LOXHD1: variants seen among roughly 807,000 people sequenced by gnomAD.
LOXHD1 encodes lipoxygenase homology PLAT domains 1, also known as lipoxygenase homology domain-containing protein 1.
A neutral mutation model predicts 248.2 loss-of-function variants in LOXHD1; 205 were observed. The ratio of observed to expected loss-of-function variants is 0.83; its 90% CI spans 0.74 to 0.93. LOXHD1 has a LOEUF of 0.93. Ranked by LOEUF, LOXHD1 falls within the 40% of genes least tolerant of loss-of-function variation. The pLI, the probability that LOXHD1 is intolerant of heterozygous loss-of-function variation, is 0.00. For missense variants in LOXHD1, 2,930 were observed against 2,971.6 expected, an observed-to-expected ratio of 0.99 and a Z score of 0.33; for synonymous variants, 1,113 against 1,162.8, an observed-to-expected ratio of 0.96 and a Z score of 0.87.
intron 8 of LOXHD1, among the ~76,000 whole-genome samples, chr18:46,599,211 T>C (rs894276225): frequency 6.6e-6 from 1 of 152,184 alleles, no homozygotes; most frequent in African/African-American, 2.4e-5. Context: ...AGTAAATCAG[T>C]GCTTCCAAAA....
At chr18:46,580,096 G>T (rs959111929) in intron 12 of LOXHD1, among the ~76,000 whole-genome samples, 1 of 152,170 alleles carries the variant, frequency 6.6e-6, no homozygotes, top group African/African-American at 2.4e-5. Context: ...ACTTTTATAA[G>T]AATTCAGATT....
intron 37 of LOXHD1, among the ~76,000 whole-genome samples, chr18:46,495,968 G>A (rs1334344162): frequency 6.6e-6 from 1 of 152,106 alleles, no homozygotes; most frequent in African/African-American, 2.4e-5. Context: ...GGAGGCGGAG[G>A]TTGCAGTGAG....
intron 1 of LOXHD1, among the ~76,000 whole-genome samples, chr18:46,650,531 T>C (rs2039096144): frequency 6.6e-6 from 1 of 152,220 alleles, no homozygotes; most frequent in Non-Finnish European, 1.5e-5. Context: ...CCTATAGTTA[T>C]TTCTACTTCC....
In LOXHD1 at chr18:46,546,892, A is replaced by G; in HGVS notation, c.3514+3T>C. 6.5e-7 allele frequency: 1 copy of G among 1,548,182 alleles called. No individual in the cohort carries two copies. The highest frequency in any genetic ancestry group is 1.2e-5 in the South Asian group (1 of 83,998). On this transcript the variant is annotated splice_donor_region_variant and intron_variant, in intron 22 of 40. Transcript: ENST00000642948. ...GAAAGAAATCAGCTCTAGTTTAGAA[A>G]ACCTTTCTGCTCCAGGGCCAGGTTG...
Position 46,505,871 on chromosome 18 carries a change from G to C in LOXHD1, c.5845C>G (p.Leu1949Val). 6.4e-7 allele frequency: 1 copy of C among 1,551,770 alleles called. No individual in the cohort carries two copies. Among genetic ancestry groups the C allele is most frequent in the South Asian group, 1.2e-5 (1 of 84,056 alleles). ...NFPDMLSLGHLCKLRVWHDNK... is the reference protein window; with the variant it reads ...NFPDMLSLGHVCKLRVWHDNK... ...TCGTGCCAGACCCTCAGCTTGCAGA[G>C]GTGGCCCAAGCTCAGCATGTCAGGG... The change falls in exon 37 of 41, where the codon CTC becomes GTC. Residue 1949 changes from leucine (L) to valine (V), a missense_variant. Coordinates refer to ENST00000642948, the MANE Select transcript of LOXHD1 (RefSeq NM_001384474.1).
chr18:46,582,966 G>A (rs982515306), intron 12 of LOXHD1, among the ~76,000 whole-genome samples: 1 of 151,990 alleles, frequency 6.6e-6, no homozygotes, highest in African/African-American at 2.4e-5. Context: ...CTATAAATGA[G>A]GCAAAAAGGA....
intron 37 of LOXHD1, among the ~76,000 whole-genome samples, chr18:46,490,607 C>A (rs1280183097): frequency 6.6e-6 from 1 of 152,182 alleles, no homozygotes; most frequent in African/African-American, 2.4e-5. Context: ...TCCCAAGTAG[C>A]TGGGATTACA....
Position 46,542,720 on chromosome 18 carries a change from G to A in LOXHD1, c.3748+7C>T. The A allele has an allele frequency of 1.9e-6, 3 of 1,551,470 alleles. No individual in the cohort carries two copies. The highest frequency in any genetic ancestry group is 1.7e-6 in the Non-Finnish European group (2 of 1,146,908). ...TTAGCAAGGAACAGAGGGGAGGGAA[G>A]CCACACCTGTGTTGTCATGGCCAAG... is the stretch of plus-strand genomic sequence containing the variant. On this transcript the variant is annotated splice_region_variant and intron_variant, in intron 24 of 40. Coordinates refer to ENST00000642948, the MANE Select transcript of LOXHD1 (RefSeq NM_001384474.1).
intron 34 of LOXHD1, among the ~76,000 whole-genome samples, chr18:46,511,590 A>G (rs1169914316): frequency 1.3e-5 from 2 of 152,218 alleles, no homozygotes; most frequent in Non-Finnish European, 2.9e-5. Context: ...CACAGCCTGA[A>G]GGCTAAACAG....
At chr18:46,506,386 G>T in intron 36 of LOXHD1, among the ~76,000 whole-genome samples, 1 of 152,210 alleles carries the variant, frequency 6.6e-6, no homozygotes. Flanking sequence ...CACAGTGTGG[G>T]TTCAGAAGGA....
intron 1 of LOXHD1, among the ~76,000 whole-genome samples, chr18:46,650,067 G>C (rs1360145763): frequency 6.6e-6 from 1 of 152,094 alleles, no homozygotes; most frequent in Admixed American, 6.6e-5. Flanking sequence ...GAACTAGCCT[G>C]GGGAAGGTTG....
At chr18:46,543,436 A>T (rs1186482557) in intron 23 of LOXHD1, among the ~76,000 whole-genome samples, 1 of 152,102 alleles carries the variant, frequency 6.6e-6, no homozygotes, top group Admixed American at 6.5e-5. Flanking sequence ...TTTTTATTAC[A>T]CTTTAAGTTC....
At chr18:46,586,073 A>G (rs1285975363) in intron 12 of LOXHD1, among the ~76,000 whole-genome samples, 1 of 152,256 alleles carries the variant, frequency 6.6e-6, no homozygotes, top group Admixed American at 6.5e-5. Flanking sequence ...AGCAATAAAA[A>G]GAACGGAGTA....
intron 21 of LOXHD1, among the ~76,000 whole-genome samples, chr18:46,555,895 C>G (rs2037308592): frequency 6.6e-6 from 1 of 152,114 alleles, no homozygotes; most frequent in East Asian, 1.9e-4. Context: ...CCCAGCCCAA[C>G]TCATGTGGCA....
intron 37 of LOXHD1, among the ~76,000 whole-genome samples, chr18:46,501,427 G>A (rs1362970033): frequency 6.6e-6 from 1 of 152,174 alleles, no homozygotes; most frequent in African/African-American, 2.4e-5. Flanking sequence ...AAACATAGTG[G>A]TTGGTCCTCA....
rs1261756087 is a variant in LOXHD1, at chr18:46,522,196, A to G, written c.4990T>C (p.Leu1664=). 1.9e-6 allele frequency: 3 copies of G among 1,551,758 alleles called. No individual in the cohort carries two copies. The South Asian group carries it at 3.6e-5, about 18-fold the overall frequency. Residue 1664 remains leucine (L), a synonymous_variant, in exon 32 of 41, where the codon TTG becomes CTG. Transcript: ENST00000642948. ...CCCCTCTTCCCTCGGGGGTAGTCCA[A>G]CCAGATGCGCTTACTACGTTCATCA... ...EDDERSKRIW[L]DYPRGKRGFS...
intron 10 of LOXHD1, among the ~76,000 whole-genome samples, chr18:46,593,376 C>T (rs1390706530): frequency 6.6e-6 from 1 of 152,202 alleles, no homozygotes; most frequent in Admixed American, 6.5e-5. Context: ...TGGTTCTGGA[C>T]TGTTTGATTC....
intron 19 of LOXHD1, 109 bp downstream of exon 19, chr18:46,559,974 A>C: frequency 1.8e-5 from 20 of 1,141,140 alleles, no homozygotes; most frequent in East Asian, 2.6e-5. Flanking sequence ...GTGCCCACCT[A>C]TTTGGCCTCC....
At chr18:46,518,305 C>G in intron 33 of LOXHD1, 49 bp from the exon 34 acceptor site, 1 of 1,539,658 alleles carries the variant, frequency 6.5e-7, no homozygotes, top group Non-Finnish European at 8.8e-7. Flanking sequence ...ACCCTCCAAC[C>G]CCACCTGACC....
Sources: gnomAD v4.1 joint callset for allele counts (sites outside exome capture counted in the v4.1 genomes callset) on GRCh38, gnomAD v4.1.1 for gene constraint, MANE v1.5 for transcripts, NCBI Gene and HGNC (gene_info 2026-07-23, HGNC 2026-07-21) for gene names.